Variants in HIVEP1 observed in about 807,000 individuals in gnomAD.
HIVEP1 encodes the protein zinc finger protein 40.
In HIVEP1, 36 loss-of-function variants were observed where a neutral mutation model predicts 180.0. That is an observed-to-expected ratio of 0.20 (90% CI 0.15 to 0.26). The LOEUF is 0.26. Ranked by LOEUF, HIVEP1 falls within the 10% of genes least tolerant of loss-of-function variation. HIVEP1 has a pLI of 1.00. For synonymous variants in HIVEP1, 1,239 were observed against 1,239.0 expected (o/e 1.00, Z 0.00); for missense variants, 3,143 against 3,268.7 (o/e 0.96, Z 0.94).
chr6:12,122,277 G>A lies in HIVEP1; in HGVS notation c.2482G>A (p.Val828Ile), dbSNP rs2228218. The change falls in exon 4 of 9, where the codon GTA (valine) becomes ATA (isoleucine). Residue 828 changes from valine (V) to isoleucine (I), a missense_variant. Coordinates refer to ENST00000379388, the MANE Select transcript of HIVEP1 (RefSeq NM_002114.4). ...EKSKQVFLLSVPSLDCLPITR... is the reference protein window; with the variant it reads ...EKSKQVFLLSIPSLDCLPITR... ...ATCAAAGCAAGTGTTTCTTCTGTCT[G>A]TACCTTCACTTGACTGTTTACCTAT... is the stretch of plus-strand genomic sequence containing the variant. 1.8e-3 allele frequency: 2,850 copies of A among 1,614,228 alleles called. 43 individuals are homozygous for A. In the African/African-American group the frequency reaches 0.03, roughly 17 times the overall value.
At chr6:12,020,824 C>G (rs1486812810) in intron 2 of HIVEP1, among the ~76,000 whole-genome samples, 1 of 151,304 alleles carries the variant, frequency 6.6e-6, no homozygotes, top group African/African-American at 2.4e-5. Flanking sequence ...GTTCATTTGG[C>G]TCCGAACACT....
At chr6:12,181,704 G>A in the HIVEP1 span, among the ~76,000 whole-genome samples, 6 of 152,260 alleles carry the variant, frequency 3.9e-5, no homozygotes, top group Admixed American at 2.6e-4. Flanking sequence ...AAACATTGAC[G>A]CCCTCGCTAC....
chr6:12,137,906 A>G (rs1758793716), intron 7 of HIVEP1, among the ~76,000 whole-genome samples: 1 of 152,178 alleles, frequency 6.6e-6, no homozygotes, highest in South Asian at 2.1e-4. Context: ...GTGTGTACTC[A>G]TGTATTAACA....
intron 7 of HIVEP1, among the ~76,000 whole-genome samples, chr6:12,140,382 C>G: frequency 6.6e-6 from 1 of 152,260 alleles, no homozygotes; most frequent in South Asian, 2.1e-4. Context: ...CATCAAAGAC[C>G]AAAGGTAGAT....
intron 7 of HIVEP1, among the ~76,000 whole-genome samples, chr6:12,149,251 G>T (rs1467050247): frequency 1.3e-5 from 2 of 152,158 alleles, no homozygotes; most frequent in Non-Finnish European, 2.9e-5. Context: ...CATGGAAAAT[G>T]GGGTAAACCT....
chr6:12,125,307 A>G lies in HIVEP1; in HGVS notation c.5512A>G (p.Asn1838Asp). The stretch of plus-strand genomic sequence containing the variant: ...TTTGACAAATGTTTTACCAGCTGAT[A>G]ATTCATCAACAGGATGCTCTAAATT... ...VNLTNVLPADNSSTGCSKFVV... is the reference protein window; with the variant it reads ...VNLTNVLPADDSSTGCSKFVV... The change falls in exon 4 of 9, where the codon AAT becomes GAT. Residue 1838 changes from asparagine (N) to aspartate (D), a missense_variant. Asn to Asp is a conservative substitution (Grantham distance 23). This residue lies in a region of HIVEP1 where 1,357 missense variants were observed against 1,260.5 expected (regional missense o/e 1.08). Transcript: ENST00000379388. 6.2e-7 allele frequency: 1 copy of G among 1,613,806 alleles called. No individual in the cohort carries two copies. The highest frequency in any genetic ancestry group is 8.5e-7 in the Non-Finnish European group (1 of 1,179,896).
chr6:12,104,352 A>G (rs1480721199), intron 3 of HIVEP1, among the ~76,000 whole-genome samples: 7 of 134,574 alleles, frequency 5.2e-5, no homozygotes, highest in African/African-American at 1.1e-4. Context: ...TGTTGTTTTC[A>G]TCTGACTTAT....
Position 12,120,756 on chromosome 6 carries a change from A to G in HIVEP1, c.961A>G (p.Lys321Glu). Residue 321 changes from lysine to glutamate, a missense_variant, in exon 4 of 9, where the codon AAA (lysine) becomes GAA (glutamate). Lys to Glu is a moderately conservative substitution (Grantham distance 56). Around this residue, in one of 12 missense-constraint regions of HIVEP1, gnomAD observed 306 missense variants for 310.6 expected, o/e 0.99. Transcript: ENST00000379388. ...LTNLQNQENA[K>E]LEQVYNIAVT... ...AAATCTGCAAAATCAAGAGAATGCC[A>G]AACTTGAACAGGTTTATAATATAGC... 6.2e-7 allele frequency: 1 copy of G among 1,614,218 alleles called. No homozygotes were observed. The highest frequency in any genetic ancestry group is 8.5e-7 in the Non-Finnish European group (1 of 1,180,046).
intron 2 of HIVEP1, among the ~76,000 whole-genome samples, chr6:12,077,933 A>G (rs1235379303): frequency 5.9e-5 from 9 of 152,180 alleles, no homozygotes; most frequent in African/African-American, 1.4e-4. Context: ...ATTTGAGATC[A>G]CAGAATGCGA....
At chr6:12,062,038 C>T (rs1771272150) in intron 2 of HIVEP1, among the ~76,000 whole-genome samples, 3 of 152,116 alleles carry the variant, frequency 2.0e-5, no homozygotes, top group Admixed American at 2.0e-4. Flanking sequence ...TCATTGACTG[C>T]TTAATGCATA....
intron 7 of HIVEP1, among the ~76,000 whole-genome samples, chr6:12,153,571 C>CAAAAAAAAAAAAAAAA (rs3070558): frequency 1.1e-5 from 1 of 94,652 alleles, no homozygotes; most frequent in African/African-American, 3.8e-5. Flanking sequence ...GTAAGAAATG[C>CAAAAAAAAAAAAAAAA]AAAAAAAAAA....
intron 3 of HIVEP1, among the ~76,000 whole-genome samples, chr6:12,090,121 A>C (rs1050637754): frequency 3.9e-5 from 6 of 152,316 alleles, no homozygotes; most frequent in African/African-American, 1.4e-4. Flanking sequence ...GTGATGCAGA[A>C]GAGCATGTAG....
downstream of HIVEP1, among the ~76,000 whole-genome samples, chr6:12,167,675 T>TGTATAC (rs1760754260): frequency 9.3e-5 from 2 of 21,496 alleles, no homozygotes; most frequent in Non-Finnish European, 1.8e-4. Flanking sequence ...CATATATACA[T>TGTATAC]ATATGTGTAT....
intron 3 of HIVEP1, among the ~76,000 whole-genome samples, chr6:12,107,234 T>C (rs1041945840): frequency 7.9e-5 from 12 of 152,374 alleles, no homozygotes; most frequent in South Asian, 4.1e-4. Flanking sequence ...ATCAAAGTTA[T>C]GTTTACATTA....
In HIVEP1 at chr6:12,160,945, T is replaced by C. The variant is rs1232617229; in HGVS notation, c.6488-494T>C. 3.9e-5 allele frequency among the ~76,000 whole-genome samples: 6 copies of C among 152,304 alleles called. No individual in the cohort carries two copies. In the South Asian group the frequency reaches 6.2e-4, roughly 16 times the overall value. On this transcript the variant is annotated intron_variant, in intron 7 of 8. Coordinates refer to ENST00000379388, the MANE Select transcript of HIVEP1 (RefSeq NM_002114.4). The stretch of plus-strand genomic sequence containing the variant: ...CCTTTTCTTTCCTCATCTATAATAC[T>C]ATTCAAATCTAAAGAAAATGTATGT...
upstream of HIVEP1, among the ~76,000 whole-genome samples, chr6:12,010,959 C>G (rs1767244210): frequency 6.6e-6 from 1 of 152,176 alleles, no homozygotes; most frequent in African/African-American, 2.4e-5. Context: ...GAAGTCCCCT[C>G]CCGGGTTGGC....
At chr6:12,108,934 C>CT (rs1422951417) in intron 3 of HIVEP1, among the ~76,000 whole-genome samples, 1 of 152,202 alleles carries the variant, frequency 6.6e-6, no homozygotes, top group Non-Finnish European at 1.5e-5. Flanking sequence ...TCAGGACTGC[C>CT]AGCATGCTGT....
At chr6:12,019,326 G>C (rs538308349) in intron 2 of HIVEP1, among the ~76,000 whole-genome samples, 49 of 152,272 alleles carry the variant, frequency 3.2e-4, no homozygotes, top group African/African-American at 1.2e-3. Context: ...GTAAGGACTC[G>C]AGCCCTGGGA....
rs760477206 is a variant in HIVEP1, at chr6:12,130,747, AT to A, written c.6210-12del. The A allele has an allele frequency of 6.9e-5, 100 of 1,447,170 alleles. No homozygotes were observed. The highest frequency in any genetic ancestry group is 1.0e-4 in the South Asian group (8 of 78,330). The allele number at this position is 1,447,170 out of a possible 1,614,324, so 89.6% of individuals were successfully genotyped here. A position where few individuals can be genotyped will look rare whatever the true frequency, so the allele number is the denominator to read the frequency against. ...GGCATAGTGTCCAATCTCCCTATTC[AT>A]TTTTTTTCTTTAAATTAGATATAAG... On this transcript the variant is annotated intron_variant, in intron 5 of 8. Transcript: ENST00000379388.
Sources: allele counts gnomAD v4.1 joint callset (sites outside exome capture counted in the v4.1 genomes callset), GRCh38; gene constraint gnomAD v4.1.1; regional missense constraint gnomAD v4.1.1; transcripts MANE v1.5; gene names NCBI Gene and HGNC (gene_info 2026-07-23, HGNC 2026-07-21).